Variants in MYO16 observed in about 807,000 individuals in gnomAD.
The protein encoded by MYO16 is myosin XVI.
MYO16 carries 94 observed loss-of-function variants against 205.3 expected under a neutral mutation model. That is an observed-to-expected ratio of 0.46 (90% CI 0.39 to 0.54). MYO16 has a LOEUF of 0.54. Ranked by LOEUF, MYO16 falls within the 20% of genes least tolerant of loss-of-function variation. MYO16 has a pLI of 0.00. For missense variants in MYO16, 2,315 were observed against 2,387.5 expected (o/e 0.97, Z 0.63); for synonymous variants, 988 against 954.0 (o/e 1.04, Z -0.66).
Position 109,158,371 on chromosome 13 carries a change from C to T in MYO16, c.5165-6530C>T, listed in dbSNP as rs1002565453. 2.6e-5 allele frequency among the ~76,000 whole-genome samples: 4 copies of T among 152,190 alleles called. No homozygotes were observed. In the East Asian group the frequency reaches 7.7e-4, roughly 29 times the overall value. On this transcript the variant is annotated intron_variant, in intron 32 of 34. Coordinates refer to ENST00000457511, the MANE Select transcript of MYO16 (RefSeq NM_001198950.3). ...CTTCCTTAAGAGAAGTTCCTCTTCTCGCCTTCCATCCTACCTCCCCCTCCC... is the reference window on the plus strand; with the variant it reads ...CTTCCTTAAGAGAAGTTCCTCTTCTTGCCTTCCATCCTACCTCCCCCTCCC...
chr13:108,555,286 G>C, the MYO16 span, among the ~76,000 whole-genome samples: 1 of 152,206 alleles, frequency 6.6e-6, no homozygotes, highest in East Asian at 1.9e-4. Flanking sequence ...CTGGCTTTCC[G>C]ATTTTTAAAA....
chr13:109,206,409 G>A (rs954283337), intron 34 of MYO16, among the ~76,000 whole-genome samples, 200 bp from the exon 35 acceptor site: 6 of 152,196 alleles, frequency 3.9e-5, no homozygotes, highest in Non-Finnish European at 7.3e-5. Context: ...TTTTGTTGCA[G>A]TCATTGCCTT....
intron 23 of MYO16, among the ~76,000 whole-genome samples, chr13:109,025,288 G>C (rs1280222684): frequency 1.3e-5 from 2 of 152,172 alleles, no homozygotes; most frequent in African/African-American, 4.8e-5. Context: ...AGGAAGACCG[G>C]CCACGCTTCA....
At chr13:108,635,789 C>A (rs145250798) in intron 1 of MYO16, among the ~76,000 whole-genome samples, 1 of 152,050 alleles carries the variant, frequency 6.6e-6, no homozygotes, top group Non-Finnish European at 1.5e-5. Flanking sequence ...TATGAGCCAC[C>A]GTGCCCAGCC....
intron 12 of MYO16, among the ~76,000 whole-genome samples, chr13:108,876,241 T>C (rs1430249043): frequency 1.3e-5 from 2 of 152,198 alleles, no homozygotes; most frequent in African/African-American, 4.8e-5. Context: ...CAACAGACAG[T>C]TGTGTGCCCA....
intron 9 of MYO16, among the ~76,000 whole-genome samples, chr13:108,843,315 A>G (rs555417467): frequency 1.3e-5 from 2 of 152,304 alleles, no homozygotes; most frequent in South Asian, 2.1e-4. Flanking sequence ...ACAGTGTGAG[A>G]AGCCACTAAC....
intron 1 of MYO16, among the ~76,000 whole-genome samples, chr13:108,645,953 T>C (rs950742889): frequency 8.5e-5 from 13 of 152,120 alleles, no homozygotes; most frequent in Non-Finnish European, 1.8e-4. Context: ...AGGTGGGGAC[T>C]CAAGAGCCAG....
At chr13:108,600,178 G>A (rs1878712307) in intron 1 of MYO16, among the ~76,000 whole-genome samples, 1 of 152,164 alleles carries the variant, frequency 6.6e-6, no homozygotes, top group Admixed American at 6.5e-5. Context: ...CCCTGAGAGA[G>A]TGTAAGGGTA....
chr13:109,012,343 G>A (rs940593505), intron 22 of MYO16, among the ~76,000 whole-genome samples: 10 of 152,082 alleles, frequency 6.6e-5, no homozygotes, highest in African/African-American at 1.4e-4. Context: ...GCCACTCCCC[G>A]TCACTGGCAT....
intron 28 of MYO16, among the ~76,000 whole-genome samples, chr13:109,107,038 G>A (rs576340111): frequency 6.6e-6 from 1 of 152,210 alleles, no homozygotes; most frequent in African/African-American, 2.4e-5. Context: ...ATACAGACAG[G>A]AAGAAAGAAA....
At chr13:109,082,534 A>G (rs1175657176) in intron 27 of MYO16, among the ~76,000 whole-genome samples, 1 of 152,170 alleles carries the variant, frequency 6.6e-6, no homozygotes, top group Non-Finnish European at 1.5e-5. Context: ...ACTGAGATAA[A>G]TAATAATGGA....
At chr13:109,204,472 A>C (rs1880521330) in intron 34 of MYO16, among the ~76,000 whole-genome samples, 3 of 152,162 alleles carry the variant, frequency 2.0e-5, no homozygotes, top group Admixed American at 2.0e-4. Flanking sequence ...ATGACGGAGG[A>C]GCTGGCACAC....
intron 7 of MYO16, among the ~76,000 whole-genome samples, chr13:108,815,163 A>C (rs1875501667): frequency 6.6e-6 from 1 of 152,180 alleles, no homozygotes; most frequent in Non-Finnish European, 1.5e-5. Flanking sequence ...ACTTATGCAA[A>C]TAGAGAGGTA....
intron 2 of MYO16, among the ~76,000 whole-genome samples, chr13:108,673,225 A>G (rs1882065028): frequency 6.6e-6 from 1 of 152,124 alleles, no homozygotes; most frequent in African/African-American, 2.4e-5. Context: ...CTTCCTTGCC[A>G]TTTGAAATTC....
intron 34 of MYO16, among the ~76,000 whole-genome samples, chr13:109,181,247 C>A (rs1047261776): frequency 6.6e-6 from 1 of 152,232 alleles, no homozygotes; most frequent in Non-Finnish European, 1.5e-5. Context: ...GGGGCACATT[C>A]TTTTTCTCAA....
the MYO16 span, among the ~76,000 whole-genome samples, chr13:108,500,261 A>C: frequency 9.8e-6 from 1 of 101,962 alleles, no homozygotes. Flanking sequence ...TTTGAGACGG[A>C]GTCTGTCACC....
chr13:108,805,598 G>A (rs1213564820), intron 6 of MYO16, among the ~76,000 whole-genome samples: 1 of 150,898 alleles, frequency 6.6e-6, no homozygotes, highest in African/African-American at 2.4e-5. Context: ...TAATTCTTAT[G>A]TTTATAAAAT....
At chr13:109,058,377 A>G (rs1311407619) in intron 27 of MYO16, among the ~76,000 whole-genome samples, 5 of 152,268 alleles carry the variant, frequency 3.3e-5, no homozygotes, top group Non-Finnish European at 7.4e-5. Flanking sequence ...TTGAAGTTTC[A>G]GAAGCACTAT....
chr13:108,509,092 C>A, the MYO16 span, among the ~76,000 whole-genome samples: 1 of 152,078 alleles, frequency 6.6e-6, no homozygotes, highest in African/African-American at 2.4e-5. Context: ...CCAGTGTTAG[C>A]CTTAGACCAT....
Sources: gnomAD v4.1 joint callset for allele counts (sites outside exome capture counted in the v4.1 genomes callset) on GRCh38, gnomAD v4.1.1 for gene constraint, MANE v1.5 for transcripts, NCBI Gene and HGNC (gene_info 2026-07-23, HGNC 2026-07-21) for gene names.